Variants in PIP4K2A observed in about 807,000 individuals in gnomAD.
PIP4K2A encodes the protein phosphatidylinositol-5-phosphate 4-kinase type 2 alpha.
In PIP4K2A, 14 loss-of-function variants were observed where a neutral mutation model predicts 42.9. The ratio of observed to expected loss-of-function variants is 0.33; its 90% confidence interval spans 0.22 to 0.51. PIP4K2A has a LOEUF of 0.51. Ranked by LOEUF, PIP4K2A falls within the 20% of genes least tolerant of loss-of-function variation. The probability of loss-of-function intolerance (pLI) is 0.97; values close to 1 mark genes in which losing one functional copy is unlikely to be tolerated. For missense variants in PIP4K2A, 434 were observed against 519.8 expected (o/e 0.83, Z 1.61); for synonymous variants, 192 against 192.2 (o/e 1.00, Z 0.01).
chr10:22,606,144 C>CAAAAA (rs368075253), intron 3 of PIP4K2A, among the ~76,000 whole-genome samples: 1 of 130,594 alleles, frequency 7.7e-6, no homozygotes, highest in Non-Finnish European at 1.7e-5. Context: ...CCAATCTCTA[C>CAAAAA]CAAAAAAAAA....
At chr10:22,609,179 G>A in intron 2 of PIP4K2A, among the ~76,000 whole-genome samples, 1 of 152,204 alleles carries the variant, frequency 6.6e-6, no homozygotes, top group East Asian at 1.9e-4. Context: ...ACATTCAAAT[G>A]AAGGAGGAAT....
intron 1 of PIP4K2A, among the ~76,000 whole-genome samples, chr10:22,636,489 C>T (rs968098632): frequency 6.6e-6 from 1 of 152,206 alleles, no homozygotes; most frequent in African/African-American, 2.4e-5. Context: ...TCTTGAACTT[C>T]TGGCCTCAAG....
chr10:22,646,006 G>A (rs1380161102), intron 1 of PIP4K2A, among the ~76,000 whole-genome samples: 1 of 152,132 alleles, frequency 6.6e-6, no homozygotes, highest in Non-Finnish European at 1.5e-5. Context: ...ATAGGTGTGC[G>A]CCACTGTGCC....
At chr10:22,582,244 T>C (rs1241922540) in intron 4 of PIP4K2A, among the ~76,000 whole-genome samples, 3 of 152,048 alleles carry the variant, frequency 2.0e-5, no homozygotes, top group Non-Finnish European at 2.9e-5. Flanking sequence ...ATTAGAGTCA[T>C]GGAATTAGGC....
At chr10:22,697,271 C>A (rs1161468610) in intron 1 of PIP4K2A, among the ~76,000 whole-genome samples, 1 of 152,232 alleles carries the variant, frequency 6.6e-6, no homozygotes, top group Non-Finnish European at 1.5e-5. Flanking sequence ...AGCTTCCACA[C>A]CTGCCTTGCC....
At chr10:22,655,843 T>C (rs545158301) in intron 1 of PIP4K2A, among the ~76,000 whole-genome samples, 10 of 152,292 alleles carry the variant, frequency 6.6e-5, no homozygotes, top group African/African-American at 2.4e-4. Flanking sequence ...GAGTGGAGTT[T>C]CCGGGTTCCT....
chr10:22,604,009 G>A (rs10572318), intron 3 of PIP4K2A, among the ~76,000 whole-genome samples: 1 of 149,562 alleles, frequency 6.7e-6, no homozygotes, highest in Non-Finnish European at 1.5e-5. Flanking sequence ...ACGCGCGCAC[G>A]CACACACACA....
intron 5 of PIP4K2A, among the ~76,000 whole-genome samples, chr10:22,572,489 G>GT (rs947672149): frequency 6.6e-6 from 1 of 152,086 alleles, no homozygotes; most frequent in African/African-American, 2.4e-5. Context: ...ATGGTGGTGC[G>GT]TGCCTGTGGT....
rs1165370194 is a variant in PIP4K2A, at chr10:22,664,048, CATAT to C, written c.144+50131_144+50134del. Among the ~76,000 whole-genome samples the C allele has an allele frequency of 1.3e-3, 100 of 76,740 alleles. 1 individual carries two copies. The highest frequency in any genetic ancestry group is 0.01 in the African/African-American group (94 of 9,370). The allele number at this position is 76,740 out of a possible 152,430, so 50.3% of individuals were successfully genotyped here. On this transcript the variant is annotated intron_variant, in intron 1 of 9. Transcript: ENST00000376573. ...ATATATATACATATATATATATATA[CATAT>C]GTATATATACATATATATATATACG...
chr10:22,612,360 G>C (rs1013788613), intron 1 of PIP4K2A, among the ~76,000 whole-genome samples: 4 of 152,248 alleles, frequency 2.6e-5, no homozygotes, highest in Admixed American at 6.5e-5. Context: ...GGCCAGATGG[G>C]GGAGGCATGT....
rs188528052 is a variant in PIP4K2A, at chr10:22,592,971, C to T, written c.340-1190G>A. Among the ~76,000 whole-genome samples, 591 of 152,340 alleles carry T rather than the reference C, an allele frequency of 3.9e-3. 3 individuals carry two copies. Among genetic ancestry groups the T allele is most frequent in the Non-Finnish European group, 6.9e-3 (467 of 68,028 alleles). On this transcript the variant is annotated intron_variant, in intron 3 of 9. Coordinates refer to ENST00000376573, the MANE Select transcript of PIP4K2A (RefSeq NM_005028.5). The stretch of plus-strand genomic sequence containing the variant: ...GGGAACACAGATACCTTCAGAGGGG[C>T]AGGTGATAGATAGCTCTGCCCATGA...
At chr10:22,663,043 C>T (rs560934491) in intron 1 of PIP4K2A, among the ~76,000 whole-genome samples, 2 of 152,198 alleles carry the variant, frequency 1.3e-5, no homozygotes, top group Non-Finnish European at 2.9e-5. Flanking sequence ...TTGGGCTCTG[C>T]CACTCCTAGT....
At chr10:22,559,886 T>C (rs1390457418) in intron 6 of PIP4K2A, among the ~76,000 whole-genome samples, 1 of 152,184 alleles carries the variant, frequency 6.6e-6, no homozygotes. Flanking sequence ...TCAGATGACC[T>C]ATACTCAAAC....
At chr10:22,568,301 T>C (rs12249358) in intron 5 of PIP4K2A, among the ~76,000 whole-genome samples, 3,051 of 152,278 alleles carry the variant, frequency 0.02, 76 homozygotes, top group African/African-American at 0.069. Flanking sequence ...CTGGCTGCAG[T>C]GGGACCACAG....
chr10:22,539,914 A>AGG (rs748057998), intron 9 of PIP4K2A, 57 bp downstream of exon 9: 76 of 463,202 alleles, frequency 1.6e-4, no homozygotes, highest in Non-Finnish European at 2.1e-4. Context: ...AGAGAGAGGG[A>AGG]GAGAGAGAGA....
In PIP4K2A at chr10:22,693,463, T is replaced by C. The variant is rs571370862; in HGVS notation, c.144+20720A>G. On this transcript the variant is annotated intron_variant, in intron 1 of 9. Coordinates refer to ENST00000376573, the MANE Select transcript of PIP4K2A (RefSeq NM_005028.5). ...AAGGCAACTTCTCAGGAAATGAGAA[T>C]CTATTTATGAGTATTCTTTATGTTT... is the stretch of plus-strand genomic sequence containing the variant. Among the ~76,000 whole-genome samples the C allele has an allele frequency of 2.0e-5, 3 of 152,262 alleles. No homozygotes were observed. In the South Asian group the frequency reaches 6.2e-4, roughly 32 times the overall value.
intron 3 of PIP4K2A, among the ~76,000 whole-genome samples, chr10:22,595,363 T>A (rs1837610146): frequency 6.6e-6 from 1 of 152,224 alleles, no homozygotes. Context: ...ACTTCTGTCA[T>A]CATAATCATA....
chr10:22,666,962 T>C (rs188339061), intron 1 of PIP4K2A, among the ~76,000 whole-genome samples: 5 of 152,360 alleles, frequency 3.3e-5, no homozygotes, highest in African/African-American at 1.2e-4. Context: ...GGTGAATCTA[T>C]TCACTACCTG....
intron 1 of PIP4K2A, among the ~76,000 whole-genome samples, chr10:22,706,862 T>C (rs1482202313): frequency 6.6e-6 from 1 of 152,064 alleles, no homozygotes; most frequent in Non-Finnish European, 1.5e-5. Flanking sequence ...AAAATGATAA[T>C]TCATAACTCA....
Sources: gnomAD v4.1 joint callset for allele counts (sites outside exome capture counted in the v4.1 genomes callset) on GRCh38, gnomAD v4.1.1 for gene constraint, MANE v1.5 for transcripts, NCBI Gene and HGNC (gene_info 2026-07-23, HGNC 2026-07-21) for gene names.